The following VPS41 variants were observed in gnomAD, a reference collection of about 807,000 sequenced individuals.
VPS41 encodes vacuolar protein sorting-associated protein 41 homolog.
In VPS41, 85 loss-of-function variants were observed where a neutral mutation model predicts 130.9. The ratio of observed to expected loss-of-function variants is 0.65; its 90% CI spans 0.55 to 0.78. The LOEUF (loss-of-function observed/expected upper bound fraction) is 0.78, where lower values mean the gene tolerates loss of function less well. Among genes scored for constraint, VPS41 ranks in the 30% least tolerant of loss-of-function variants. The pLI is 0.00. For missense variants in VPS41, 874 were observed against 1,018.7 expected, an observed-to-expected ratio of 0.86 and a Z score of 1.93; for synonymous variants, 335 against 332.9, an observed-to-expected ratio of 1.01 and a Z score of -0.07.
chr7:38,841,338 A>G (rs1486647796), intron 4 of VPS41, among the ~76,000 whole-genome samples: 1 of 152,234 alleles, frequency 6.6e-6, no homozygotes, highest in Non-Finnish European at 1.5e-5. Flanking sequence ...GAGAAAAGAT[A>G]CTTCCAAGGA....
rs37478 is a variant in VPS41 at position 38,803,616 on chromosome 7, C to T, written c.451-6752G>A. ...CAATAAAAATAAACAAAGGGGATAA[C>T]AATGGGAAAGTCTTGTTACAAAAGG... On this transcript the variant is annotated intron_variant, in intron 7 of 28. Coordinates refer to ENST00000310301, the MANE Select transcript of VPS41 (RefSeq NM_014396.4). Among the ~76,000 whole-genome samples, 932 of 152,198 alleles carry T rather than the reference C, an allele frequency of 6.1e-3. 8 individuals are homozygous for T. Among genetic ancestry groups the T allele is most frequent in the Middle Eastern group, 0.024 (7 of 294 alleles).
intron 3 of VPS41, among the ~76,000 whole-genome samples, chr7:38,868,838 GAATCCTTATA>G (rs558026938): frequency 1.2e-3 from 179 of 152,188 alleles, no homozygotes; most frequent in African/African-American, 4.0e-3. Context: ...GTTCCTAATT[GAATCCTTATA>G]ATTTGAGGAA....
At chr7:38,788,397 C>T (rs1784478472) in intron 10 of VPS41, among the ~76,000 whole-genome samples, 1 of 152,194 alleles carries the variant, frequency 6.6e-6, no homozygotes, top group Non-Finnish European at 1.5e-5. Flanking sequence ...AAACTACCTG[C>T]ACTTAAAGAG....
intron 4 of VPS41, among the ~76,000 whole-genome samples, chr7:38,851,662 T>C (rs1437815237): frequency 2.0e-5 from 3 of 152,242 alleles, no homozygotes; most frequent in Non-Finnish European, 2.9e-5. Flanking sequence ...AGTATATTTT[T>C]TCATTCTCTA....
chr7:38,793,713 G>C (rs1383840150), intron 9 of VPS41, among the ~76,000 whole-genome samples: 2 of 152,046 alleles, frequency 1.3e-5, no homozygotes, highest in African/African-American at 4.8e-5. Flanking sequence ...TTCCTCTGGA[G>C]GCTCTAGGGG....
intron 17 of VPS41, among the ~76,000 whole-genome samples, chr7:38,762,978 T>C (rs1362471649): frequency 2.0e-5 from 3 of 152,124 alleles, no homozygotes; most frequent in Non-Finnish European, 4.4e-5. Context: ...AAGAGTTCAA[T>C]CATGTGCAAT....
intron 4 of VPS41, among the ~76,000 whole-genome samples, chr7:38,843,055 C>G (rs1282717643): frequency 6.6e-6 from 1 of 152,100 alleles, no homozygotes; most frequent in Non-Finnish European, 1.5e-5. Context: ...TAAACAAAAG[C>G]TCTATAAAAA....
At chr7:38,842,753 A>C (rs1785634767) in intron 4 of VPS41, among the ~76,000 whole-genome samples, 1 of 152,208 alleles carries the variant, frequency 6.6e-6, no homozygotes, top group Non-Finnish European at 1.5e-5. Flanking sequence ...TAAAAGATTC[A>C]ATGCAAGCAT....
chr7:38,794,735 G>A (rs1300718484), intron 9 of VPS41, among the ~76,000 whole-genome samples: 2 of 152,166 alleles, frequency 1.3e-5, no homozygotes, highest in Non-Finnish European at 2.9e-5. Context: ...TGAGACTACT[G>A]CTGGGATACT....
intron 7 of VPS41, among the ~76,000 whole-genome samples, chr7:38,817,096 T>C (rs1039431967): frequency 1.3e-5 from 2 of 151,854 alleles, no homozygotes; most frequent in African/African-American, 2.4e-5. Context: ...GCCATGAACA[T>C]GTCAGCGAAG....
At chr7:38,733,730 T>C (rs1795711654) in intron 25 of VPS41, among the ~76,000 whole-genome samples, 1 of 152,186 alleles carries the variant, frequency 6.6e-6, no homozygotes, top group South Asian at 2.1e-4. Flanking sequence ...ACTTGGTAAA[T>C]TAAACAGCAC....
chr7:38,802,943 G>A (rs1485927398), intron 7 of VPS41, among the ~76,000 whole-genome samples: 1 of 152,190 alleles, frequency 6.6e-6, no homozygotes, highest in Non-Finnish European at 1.5e-5. Flanking sequence ...AGTACATAGA[G>A]AGGAAAAGCT....
intron 6 of VPS41, 108 bp from the exon 7 acceptor site, chr7:38,817,990 C>A: frequency 1.2e-6 from 1 of 829,460 alleles, no homozygotes. Flanking sequence ...ATCCTGAAAC[C>A]TTGGTAGGAA....
chr7:38,799,926 G>C (rs772970764), intron 7 of VPS41, among the ~76,000 whole-genome samples: 13 of 151,918 alleles, frequency 8.6e-5, no homozygotes, highest in Non-Finnish European at 1.6e-4. Flanking sequence ...TGGGGTGGGG[G>C]GTACAGTGGA....
rs1784210372 is a variant in VPS41, at chr7:38,774,209, G to A, written c.918C>T (p.Ile306=). ...CACAAGTCTCAGAAAGTGGCTGGAT[G>A]ATGTCCAGTCTAGGCCTGGCACAGT... The part of the protein sequence containing the change: ...REYCARPRLD[I]IQPLSETCEE... Residue 306 remains isoleucine, a synonymous_variant, in exon 12 of 29, where the codon ATC becomes ATT. Transcript: ENST00000310301. 1 of 1,609,692 alleles carries A rather than the reference G, an allele frequency of 6.2e-7. No individual in the cohort carries two copies. The highest frequency in any genetic ancestry group is 8.5e-7 in the Non-Finnish European group (1 of 1,176,780).
chr7:38,871,826 TTTA>T (rs1786369194), intron 2 of VPS41, among the ~76,000 whole-genome samples: 1 of 152,220 alleles, frequency 6.6e-6, no homozygotes, highest in Non-Finnish European at 1.5e-5. Context: ...ATTTACTTAC[TTTA>T]TTATTATTTT....
At chr7:38,829,282 G>A (rs1201069993) in intron 5 of VPS41, among the ~76,000 whole-genome samples, 1 of 152,150 alleles carries the variant, frequency 6.6e-6, no homozygotes, top group Non-Finnish European at 1.5e-5. Flanking sequence ...ATTCTTGTAT[G>A]TCAAGAGACT....
intron 21 of VPS41, 24 bp from the exon 22 acceptor site, chr7:38,752,337 G>A (rs368384842): frequency 1.7e-5 from 27 of 1,612,602 alleles, no homozygotes; most frequent in African/African-American, 4.0e-5. Flanking sequence ...AAGATAAGCC[G>A]TGACCCATTA....
chr7:38,801,690 GGT>G (rs1317022437), intron 7 of VPS41, among the ~76,000 whole-genome samples: 2 of 152,090 alleles, frequency 1.3e-5, no homozygotes, highest in Non-Finnish European at 2.9e-5. Context: ...CACTGAGATT[GGT>G]GTGTTTACCT....
Sources: allele counts gnomAD v4.1 joint callset (sites outside exome capture counted in the v4.1 genomes callset), GRCh38; gene constraint gnomAD v4.1.1; transcripts MANE v1.5; gene names NCBI Gene and HGNC (gene_info 2026-07-23, HGNC 2026-07-21).